ZRANB3: variants seen among roughly 807,000 people sequenced by gnomAD.
ZRANB3 encodes zinc finger RANBP2-type containing 3, also known as DNA annealing helicase and endonuclease ZRANB3.
Under a neutral mutation model 133.8 loss-of-function variants are expected in ZRANB3, and 125 were observed. The observed-to-expected ratio is 0.93, with a 90% CI of 0.81 to 1.08. ZRANB3 has a LOEUF of 1.08. Among genes scored for constraint, ZRANB3 ranks in the 50% least tolerant of loss-of-function variants. The probability of loss-of-function intolerance (pLI) is 0.00; values close to 1 mark genes in which losing one functional copy is unlikely to be tolerated. For missense variants in ZRANB3, 1,229 were observed against 1,275.5 expected (o/e 0.96, Z 0.56); for synonymous variants, 387 against 432.7 (o/e 0.89, Z 1.31).
At position 135,301,185 on chromosome 2, in the gene ZRANB3, ATTTTT is replaced by A. The variant is rs765150218; in HGVS notation, c.966+12299_966+12303del. ...GCCACCATGCCCAATTAATATGTTTATTTTTTTTTTTTTTTTTGAGACAGAGTTTC... is the reference window on the plus strand; with the variant it reads ...GCCACCATGCCCAATTAATATGTTTATTTTTTTTTTTTGAGACAGAGTTTC... On this transcript the variant is annotated intron_variant, in intron 8 of 20. Coordinates refer to ENST00000264159, the MANE Select transcript of ZRANB3 (RefSeq NM_032143.4). 2.9e-5 allele frequency among the ~76,000 whole-genome samples: 4 copies of A among 135,962 alleles called. No individual in the cohort carries two copies. The South Asian group carries it at 7.0e-4, about 24-fold the overall frequency. 89.2% of individuals were successfully genotyped at this position (135,962 alleles called of 152,430 possible).
chr2:135,358,486 T>C (rs1685532677), intron 3 of ZRANB3, among the ~76,000 whole-genome samples: 1 of 152,210 alleles, frequency 6.6e-6, no homozygotes, highest in African/African-American at 2.4e-5. Context: ...GAGCTAATAA[T>C]GTATTATTTT....
intron 17 of ZRANB3, among the ~76,000 whole-genome samples, chr2:135,216,206 C>T (rs975228493): frequency 4.0e-5 from 6 of 151,816 alleles, no homozygotes; most frequent in South Asian, 2.1e-4. Flanking sequence ...AAAAGATTTT[C>T]GCTGTATGGA....
intron 3 of ZRANB3, among the ~76,000 whole-genome samples, chr2:135,370,421 TATG>T (rs1465023778): frequency 1.3e-5 from 2 of 152,134 alleles, no homozygotes; most frequent in African/African-American, 4.8e-5. Flanking sequence ...AGTGAGAACA[TATG>T]ATGTTTGGTT....
chr2:135,331,288 C>A (rs368647440), intron 6 of ZRANB3, among the ~76,000 whole-genome samples: 2 of 152,168 alleles, frequency 1.3e-5, no homozygotes, highest in African/African-American at 4.8e-5. Flanking sequence ...TTTCAAAGAA[C>A]ACCTTTATTT....
chr2:135,230,864 ACTGT>A lies in ZRANB3; in HGVS notation c.1599_1602del (p.Arg533SerfsTer2), dbSNP rs761633757. 23 of 1,598,960 alleles carry A rather than the reference ACTGT, an allele frequency of 1.4e-5. No individual in the cohort carries two copies. In the East Asian group the frequency reaches 1.6e-4, roughly 11 times the overall value. ...TTTGATTCGTCACAGGAGGTCATCA[ACTGT>A]CTTTTTTTAGGTTGTGGTACAAAAA... On this transcript the variant is annotated frameshift_variant, in exon 13 of 21. Transcript: ENST00000264159. LOFTEE classifies it high-confidence loss of function.
chr2:135,275,350 CCCACCTCCCTCCCAGATGGGGCGGCTGG>C (rs1416081275), intron 9 of ZRANB3, among the ~76,000 whole-genome samples: 2 of 151,450 alleles, frequency 1.3e-5, no homozygotes, highest in Non-Finnish European at 2.9e-5. Flanking sequence ...GGGGCTGACC[CCCACCTCCCTCCCAGATGGGGCGGCTGG>C]CATGGCAGCA....
chr2:135,425,602 T>G (rs1245060284), intron 2 of ZRANB3, among the ~76,000 whole-genome samples: 1 of 151,636 alleles, frequency 6.6e-6, no homozygotes, highest in African/African-American at 2.4e-5. Context: ...GGGTAAAAAA[T>G]GAAATTAAAG....
chr2:135,247,658 A>C (rs1211339894), intron 12 of ZRANB3, among the ~76,000 whole-genome samples: 1 of 152,172 alleles, frequency 6.6e-6, no homozygotes, highest in Non-Finnish European at 1.5e-5. Context: ...CAGGTGGATA[A>C]GCAGCAACAG....
At chr2:135,460,434 A>C (rs1690713401) in intron 2 of ZRANB3, among the ~76,000 whole-genome samples, 1 of 151,798 alleles carries the variant, frequency 6.6e-6, no homozygotes, top group Non-Finnish European at 1.5e-5. Context: ...GCTAATTTTT[A>C]AAAAATATTT....
At chr2:135,368,074 T>C (rs906836525) in intron 3 of ZRANB3, among the ~76,000 whole-genome samples, 19 of 152,090 alleles carry the variant, frequency 1.2e-4, no homozygotes, top group Non-Finnish European at 2.6e-4. Context: ...TCACTTTTAA[T>C]CTATAAAAAG....
At chr2:135,413,105 G>A (rs1366682919) in intron 2 of ZRANB3, among the ~76,000 whole-genome samples, 1 of 152,022 alleles carries the variant, frequency 6.6e-6, no homozygotes, top group Non-Finnish European at 1.5e-5. Flanking sequence ...GCAAATATAG[G>A]CTGCTTCACA....
intron 1 of ZRANB3, chr2:135,530,619 A>T (rs981056259): frequency 2.0e-5 from 3 of 152,222 alleles, no homozygotes; most frequent in African/African-American, 4.8e-5. Flanking sequence ...ACAACGTGAA[A>T]GTAGATGAGT....
intron 2 of ZRANB3, among the ~76,000 whole-genome samples, chr2:135,437,941 G>A (rs576275264): frequency 6.6e-6 from 1 of 152,290 alleles, no homozygotes; most frequent in East Asian, 1.9e-4. Context: ...CTAATCAGTG[G>A]AGAGTGTGAA....
intron 6 of ZRANB3, among the ~76,000 whole-genome samples, chr2:135,317,292 T>A (rs1683309419): frequency 6.6e-6 from 1 of 152,204 alleles, no homozygotes; most frequent in Non-Finnish European, 1.5e-5. Context: ...CCAATACCTG[T>A]TCTGCACCTA....
At chr2:135,345,763 C>T (rs1010036628) in intron 5 of ZRANB3, 128 bp from the exon 6 acceptor site, 3 of 634,312 alleles carry the variant, frequency 4.7e-6, no homozygotes, top group South Asian at 4.0e-5. Context: ...CCTCAAATCC[C>T]CTCACTACTA....
intron 13 of ZRANB3, among the ~76,000 whole-genome samples, chr2:135,229,415 T>G (rs1035043777): frequency 6.6e-6 from 1 of 150,802 alleles, no homozygotes; most frequent in African/African-American, 2.4e-5. Flanking sequence ...TTGCCCAGCC[T>G]GGAGTGCAGT....
intron 2 of ZRANB3, among the ~76,000 whole-genome samples, chr2:135,454,613 C>T (rs1690413727): frequency 6.6e-6 from 1 of 152,100 alleles, no homozygotes; most frequent in South Asian, 2.1e-4. Context: ...TCTGAGTCTC[C>T]AAGGTCCATT....
chr2:135,447,071 C>T (rs184269148), intron 2 of ZRANB3, among the ~76,000 whole-genome samples: 38 of 151,984 alleles, frequency 2.5e-4, no homozygotes, highest in African/African-American at 9.2e-4. Flanking sequence ...GAGAGACTCT[C>T]GCTCTGTCTG....
At chr2:135,400,799 A>C (rs564737478) in intron 2 of ZRANB3, among the ~76,000 whole-genome samples, 1 of 152,336 alleles carries the variant, frequency 6.6e-6, no homozygotes, top group East Asian at 1.9e-4. Flanking sequence ...AGCCAATGAC[A>C]ACAAATAAAT....
Sources: gnomAD v4.1 joint callset for allele counts (sites outside exome capture counted in the v4.1 genomes callset) on GRCh38, gnomAD v4.1.1 for gene constraint, MANE v1.5 for transcripts, NCBI Gene and HGNC (gene_info 2026-07-23, HGNC 2026-07-21) for gene names.